The following AK4 variants were observed in gnomAD, a reference collection of about 807,000 sequenced individuals.
The protein encoded by AK4 is adenylate kinase 4, mitochondrial.
In AK4, 13 loss-of-function variants were observed where a neutral mutation model predicts 24.6. The ratio of observed to expected loss-of-function variants is 0.53; its 90% confidence interval spans 0.34 to 0.84. The LOEUF is 0.84. Ranked by LOEUF, AK4 falls within the 40% of genes least tolerant of loss-of-function variation. The pLI is 0.01. For synonymous variants in AK4, 88 were observed against 107.0 expected (o/e 0.82, Z 1.10); for missense variants, 192 against 288.2 (o/e 0.67, Z 2.42).
At chr1:65,190,064 C>T (rs1651241113) in intron 1 of AK4, among the ~76,000 whole-genome samples, 1 of 152,140 alleles carries the variant, frequency 6.6e-6, no homozygotes, top group Non-Finnish European at 1.5e-5. Context: ...TGTGGTTGAT[C>T]ATGTTCCTTG....
chr1:65,201,022 G>A (rs1022267146), intron 2 of AK4, among the ~76,000 whole-genome samples: 2 of 152,066 alleles, frequency 1.3e-5, no homozygotes, highest in African/African-American at 4.8e-5. Flanking sequence ...TCCATCTCTT[G>A]ACCTCGTGAT....
At chr1:65,166,614 C>G (rs572838812) in intron 1 of AK4, among the ~76,000 whole-genome samples, 1 of 152,104 alleles carries the variant, frequency 6.6e-6, no homozygotes, top group Non-Finnish European at 1.5e-5. Flanking sequence ...CTTCAACCTC[C>G]CAGACTCTAG....
In AK4 at chr1:65,230,244, T is replaced by C. The variant is rs1208731100; in HGVS notation, c.*4067T>C. On this transcript the variant is annotated 3_prime_UTR_variant, in exon 5 of 5. Coordinates refer to ENST00000327299, the MANE Select transcript of AK4 (RefSeq NM_013410.4). ...GGAAGGAGAAAGGTAAGAATAGCCA[T>C]CAGTGAGGAAGGATTCTTGGAGCGA... The C allele has an allele frequency of 5.9e-5, 9 of 152,154 alleles. No individual in the cohort carries two copies. The highest frequency in any genetic ancestry group is 1.2e-4 in the Non-Finnish European group (8 of 68,048). The allele number at this position is 152,154 out of a possible 1,614,324, so 9.4% of individuals were successfully genotyped here.
At chr1:65,170,417 A>G (rs1650476538) in intron 1 of AK4, among the ~76,000 whole-genome samples, 1 of 152,098 alleles carries the variant, frequency 6.6e-6, no homozygotes, top group Non-Finnish European at 1.5e-5. Flanking sequence ...GTATTAGAGG[A>G]TGTCGTTCTT....
chr1:65,151,242 C>T (rs1649762088), intron 1 of AK4, among the ~76,000 whole-genome samples: 1 of 152,138 alleles, frequency 6.6e-6, no homozygotes, highest in Admixed American at 6.5e-5. Context: ...GCTGGGATTA[C>T]AAATGTGAGC....
chr1:65,181,705 AT>A (rs1650913528), intron 1 of AK4, among the ~76,000 whole-genome samples: 3 of 151,964 alleles, frequency 2.0e-5, no homozygotes, highest in Admixed American at 6.6e-5. Flanking sequence ...AGCTTTTATT[AT>A]TTTTATTTTT....
intron 1 of AK4, among the ~76,000 whole-genome samples, chr1:65,158,048 T>C (rs953247813): frequency 3.3e-5 from 5 of 152,332 alleles, no homozygotes; most frequent in Non-Finnish European, 5.9e-5. Flanking sequence ...TTTTCTATTA[T>C]CATTTTAGTC....
chr1:65,191,801 G>A (rs1218434250), intron 2 of AK4, among the ~76,000 whole-genome samples: 1 of 152,138 alleles, frequency 6.6e-6, no homozygotes, highest in African/African-American at 2.4e-5. Flanking sequence ...GAGATTAGGT[G>A]CTGGGGCATG....
chr1:65,195,813 A>G (rs1466144485), intron 2 of AK4, among the ~76,000 whole-genome samples: 1 of 152,208 alleles, frequency 6.6e-6, no homozygotes, highest in Non-Finnish European at 1.5e-5. Flanking sequence ...GGGGGTGACT[A>G]TTTGAAGTGT....
rs1652485794 is a variant in AK4, at chr1:65,227,013, G to GT, written c.*837dup. On this transcript the variant is annotated 3_prime_UTR_variant, in exon 5 of 5. Coordinates refer to ENST00000327299, the MANE Select transcript of AK4 (RefSeq NM_013410.4). ...ATTGACACTGTTCCTTTCTTTTATT[G>GT]TGAAAAAAAAAAAAAACCCTGAAAG... is the stretch of plus-strand genomic sequence containing the variant. 1.3e-5 allele frequency: 1 copy of GT among 74,742 alleles called. No homozygotes were observed. The highest frequency in any genetic ancestry group is 2.4e-5 in the Non-Finnish European group (1 of 42,280). 4.6% of individuals were successfully genotyped at this position (74,742 alleles called of 1,614,324 possible).
chr1:65,198,550 A>G (rs1392235958), intron 2 of AK4, among the ~76,000 whole-genome samples: 11 of 152,190 alleles, frequency 7.2e-5, no homozygotes, highest in Admixed American at 7.2e-4. Flanking sequence ...CTGACATAGG[A>G]GGGTTCAGAG....
chr1:65,158,452 A>C (rs920033077), intron 1 of AK4, among the ~76,000 whole-genome samples: 1 of 152,214 alleles, frequency 6.6e-6, no homozygotes, highest in African/African-American at 2.4e-5. Context: ...GTACTTTCAC[A>C]ATGGACAATG....
At position 65,218,855 on chromosome 1, in the gene AK4, C is replaced by T; in HGVS notation, c.367C>T (p.Leu123Phe). The T allele has an allele frequency of 2.5e-6, 4 of 1,607,498 alleles. No homozygotes were observed. Among genetic ancestry groups the T allele is most frequent in the Non-Finnish European group, 3.4e-6 (4 of 1,177,036 alleles). Residue 123 changes from leucine (L) to phenylalanine (F), a missense_variant, in exon 3 of 5, where the codon CTC becomes TTC. Physicochemically the swap from Leu to Phe is conservative, Grantham distance 22 (BLOSUM62 0). Coordinates refer to ENST00000327299, the MANE Select transcript of AK4 (RefSeq NM_013410.4). ...TCCATTTGAAACACTTAAAGATCGT[C>T]TCAGCCGCCGTTGGATTCACCCTCC... is the stretch of plus-strand genomic sequence containing the variant. ...NIPFETLKDR[L>F]SRRWIHPPSG...
intron 1 of AK4, among the ~76,000 whole-genome samples, chr1:65,181,419 CAG>C (rs1650903633): frequency 6.8e-6 from 1 of 146,518 alleles, no homozygotes; most frequent in Non-Finnish European, 1.5e-5. Flanking sequence ...TTTTTTGAGA[CAG>C]AGTCTCGCTC....
chr1:65,223,639 A>G (rs1438915788), intron 3 of AK4, among the ~76,000 whole-genome samples: 2 of 152,186 alleles, frequency 1.3e-5, no homozygotes, highest in Non-Finnish European at 2.9e-5. Flanking sequence ...GGGGGGGAAT[A>G]GAAAGCTAGC....
chr1:65,224,985 G>T, intron 4 of AK4, 115 bp downstream of exon 4: 1 of 725,934 alleles, frequency 1.4e-6, no homozygotes, highest in Non-Finnish European at 2.3e-6. Context: ...ATAAACACTA[G>T]CGATCCAAAA....
At chr1:65,219,552 T>C (rs1021778389) in intron 3 of AK4, among the ~76,000 whole-genome samples, 2 of 152,208 alleles carry the variant, frequency 1.3e-5, no homozygotes, top group African/African-American at 4.8e-5. Context: ...CATCTTGGAA[T>C]ATAATATAGT....
At chr1:65,163,222 A>T (rs1322032929) in intron 1 of AK4, among the ~76,000 whole-genome samples, 1 of 152,232 alleles carries the variant, frequency 6.6e-6, no homozygotes, top group African/African-American at 2.4e-5. Context: ...CCTTCCCACT[A>T]GCAATGAATG....
chr1:65,181,937 G>A (rs952271858), intron 1 of AK4, among the ~76,000 whole-genome samples: 26 of 151,936 alleles, frequency 1.7e-4, no homozygotes, highest in African/African-American at 6.3e-4. Context: ...TTTAGAGGCA[G>A]GAGTGCCTCT....
Sources: allele counts gnomAD v4.1 joint callset (sites outside exome capture counted in the v4.1 genomes callset), GRCh38; gene constraint gnomAD v4.1.1; transcripts MANE v1.5; gene names NCBI Gene and HGNC (gene_info 2026-07-23, HGNC 2026-07-21).